Variants in AKR1C3 observed in about 807,000 individuals in gnomAD.
AKR1C3 encodes the protein aldo-keto reductase family 1 member C3, also known as 3-alpha hydroxysteroid dehydrogenase, type II.
Under a neutral mutation model 43.6 loss-of-function variants are expected in AKR1C3, and 48 were observed. That is an observed-to-expected ratio of 1.10 (90% CI 0.87 to 1.40). The LOEUF (loss-of-function observed/expected upper bound fraction) is 1.40, where lower values mean the gene tolerates loss of function less well. AKR1C3 is among the 40% of genes most tolerant of loss of function. The pLI, the probability that AKR1C3 is intolerant of heterozygous loss-of-function variation, is 0.00. For missense variants in AKR1C3, 482 were observed against 391.2 expected, an observed-to-expected ratio of 1.23 and a Z score of -1.96; for synonymous variants, 162 against 139.6, an observed-to-expected ratio of 1.16 and a Z score of -1.13.
upstream of AKR1C3, among the ~76,000 whole-genome samples, chr10:5,093,225 A>G (rs1249008265): frequency 6.6e-6 from 1 of 152,038 alleles, no homozygotes; most frequent in African/African-American, 2.4e-5. Context: ...TAAATAAATA[A>G]GTTTATTTTA....
intron 1 of AKR1C3, among the ~76,000 whole-genome samples, chr10:5,050,708 A>G (rs1035444294): frequency 2.6e-5 from 4 of 152,254 alleles, no homozygotes; most frequent in Non-Finnish European, 5.9e-5. Flanking sequence ...ATATTTAAGG[A>G]TAAGTAGGCA....
intron 5 of AKR1C3, among the ~76,000 whole-genome samples, chr10:5,100,890 A>C (rs1276948442): frequency 4.0e-5 from 6 of 151,840 alleles, no homozygotes; most frequent in African/African-American, 7.3e-5. Context: ...TATTTATGGC[A>C]AATGTTTATG....
chr10:5,075,080 G>T (rs7922762), intron 1 of AKR1C3, among the ~76,000 whole-genome samples: 46,844 of 151,926 alleles, frequency 0.31, 7,449 homozygotes, highest in Middle Eastern at 0.44. Context: ...ACTGAGACCT[G>T]TCTCATCATT....
intron 1 of AKR1C3, among the ~76,000 whole-genome samples, chr10:5,095,468 T>G (rs1176985336): frequency 6.8e-6 from 1 of 147,656 alleles, no homozygotes; most frequent in Non-Finnish European, 1.5e-5. Context: ...TAAAGACTGC[T>G]CTCAAAAAAG....
intron 5 of AKR1C3, among the ~76,000 whole-genome samples, chr10:5,100,913 C>T (rs1351794631): frequency 6.6e-6 from 1 of 151,732 alleles, no homozygotes; most frequent in African/African-American, 2.4e-5. Context: ...GGTATATCTG[C>T]ATAAATACAT....
At chr10:5,079,875 A>G (rs1180078522) in intron 1 of AKR1C3, among the ~76,000 whole-genome samples, 2 of 152,200 alleles carry the variant, frequency 1.3e-5, no homozygotes, top group African/African-American at 4.8e-5. Flanking sequence ...TTGTCAGTGT[A>G]TCTTATGTAA....
intron 1 of AKR1C3, among the ~76,000 whole-genome samples, chr10:5,062,258 T>G (rs1838397086): frequency 6.6e-6 from 1 of 152,178 alleles, no homozygotes; most frequent in Admixed American, 6.5e-5. Context: ...TCAAGTCAGG[T>G]CTCCCAGCAT....
chr10:5,096,632 G>C, intron 2 of AKR1C3, 55 bp downstream of exon 2: 1 of 1,550,772 alleles, frequency 6.4e-7, no homozygotes, highest in South Asian at 1.3e-5. Context: ...ATTGTGTGGA[G>C]ATGACAATTC....
intron 1 of AKR1C3, among the ~76,000 whole-genome samples, chr10:5,085,140 C>A (rs1238711960): frequency 1.3e-5 from 2 of 152,066 alleles, no homozygotes; most frequent in African/African-American, 4.8e-5. Context: ...GAGAAGGCAT[C>A]CCTGTCTTGT....
At chr10:5,096,772 T>A (rs1422581240) in intron 2 of AKR1C3, among the ~76,000 whole-genome samples, 195 bp downstream of exon 2, 1 of 152,168 alleles carries the variant, frequency 6.6e-6, no homozygotes, top group Non-Finnish European at 1.5e-5. Flanking sequence ...GTGTTCCAAT[T>A]TATGACCTGA....
At chr10:5,066,588 TTGGG>T (rs1838507324) in intron 1 of AKR1C3, among the ~76,000 whole-genome samples, 2 of 152,286 alleles carry the variant, frequency 1.3e-5, no homozygotes, top group Non-Finnish European at 2.9e-5. Flanking sequence ...ATTATGACTA[TTGGG>T]AGCATAATAC....
At chr10:5,099,601 CTTG>C in intron 5 of AKR1C3, 152 bp downstream of exon 5, 1 of 1,359,148 alleles carries the variant, frequency 7.4e-7, no homozygotes, top group Non-Finnish European at 1.0e-6. Context: ...GTGAAGATTT[CTTG>C]TTTGTACCCT....
intron 5 of AKR1C3, among the ~76,000 whole-genome samples, chr10:5,101,427 C>T (rs1839348244): frequency 6.6e-6 from 1 of 151,436 alleles, no homozygotes; most frequent in East Asian, 2.0e-4. Context: ...AAAAATCCTT[C>T]ACCAAATCAA....
chr10:5,102,481 C>T lies in AKR1C3; in HGVS notation c.681-4C>T, dbSNP rs1554786226. On this transcript the variant is annotated splice_region_variant and splice_polypyrimidine_tract_variant and intron_variant, in intron 6 of 8. Coordinates refer to ENST00000380554, the MANE Select transcript of AKR1C3 (RefSeq NM_003739.6). ...GGCCTCAGCCTTTCTGCCTTTCCTT[C>T]CAGGGTGGACCCGAACTCCCCGGTG... is the stretch of plus-strand genomic sequence containing the variant. The T allele has an allele frequency of 2.6e-6, 4 of 1,533,680 alleles. No homozygotes were observed. The highest frequency in any genetic ancestry group is 2.3e-5 in the East Asian group (1 of 44,392).
At chr10:5,069,813 G>T (rs1343713845) in intron 1 of AKR1C3, among the ~76,000 whole-genome samples, 2 of 152,108 alleles carry the variant, frequency 1.3e-5, no homozygotes, top group African/African-American at 4.8e-5. Context: ...GGCAGAGGTT[G>T]TGGTGAGCTG....
At position 5,107,451 on chromosome 10, in the gene AKR1C3, CTCTTT is replaced by C; in HGVS notation, c.930-7_930-3del. On this transcript the variant is annotated splice_polypyrimidine_tract_variant and splice_region_variant and intron_variant, in intron 8 of 8. Coordinates refer to ENST00000380554, the MANE Select transcript of AKR1C3 (RefSeq NM_003739.6). ...CATTGCATTTATATTATACATTATT[CTCTTT>C]TCAGTTTTGCTAGCCACCCTAATTA... 1 of 1,543,474 alleles carries C rather than the reference CTCTTT, an allele frequency of 6.5e-7. No homozygotes were observed. Among genetic ancestry groups the C allele is most frequent in the South Asian group, 1.1e-5 (1 of 89,478 alleles).
intron 1 of AKR1C3, among the ~76,000 whole-genome samples, chr10:5,060,569 G>T (rs546233682): frequency 2.6e-5 from 4 of 152,310 alleles, no homozygotes. Context: ...CAATCCCTTA[G>T]CTAGACATAA....
intron 1 of AKR1C3, among the ~76,000 whole-genome samples, chr10:5,057,721 G>T (rs1019633219): frequency 6.6e-6 from 1 of 152,140 alleles, no homozygotes. Flanking sequence ...TCCCAGTGGG[G>T]ATCCATACTG....
At chr10:5,104,693 C>G (rs1327107649) in intron 7 of AKR1C3, among the ~76,000 whole-genome samples, 1 of 152,188 alleles carries the variant, frequency 6.6e-6, no homozygotes, top group Middle Eastern at 3.4e-3. Flanking sequence ...AATATTGAGA[C>G]TTTCAACCTA....
Sources: gnomAD v4.1 joint callset for allele counts (sites outside exome capture counted in the v4.1 genomes callset) on GRCh38, gnomAD v4.1.1 for gene constraint, MANE v1.5 for transcripts, NCBI Gene and HGNC (gene_info 2026-07-23, HGNC 2026-07-21) for gene names.